Variants in ADPRHL1 observed in about 807,000 individuals in gnomAD.
The protein encoded by ADPRHL1 is ADP-ribosylhydrolase like 1.
A neutral mutation model predicts 44.1 loss-of-function variants in ADPRHL1; 43 were observed. That is an observed-to-expected ratio of 0.98 (90% CI 0.76 to 1.26). The LOEUF (loss-of-function observed/expected upper bound fraction) is 1.26, where lower values mean the gene tolerates loss of function less well. ADPRHL1 is among the 50% of genes most tolerant of loss of function. The probability of loss-of-function intolerance (pLI) is 0.00; values close to 1 mark genes in which losing one functional copy is unlikely to be tolerated. For synonymous variants in ADPRHL1, 878 were observed against 1,017.4 expected, an observed-to-expected ratio of 0.86 and a Z score of 2.61; for missense variants, 2,022 against 2,496.9, an observed-to-expected ratio of 0.81 and a Z score of 4.05.
At chr13:113,434,707 G>A (rs2044035691) in intron 2 of ADPRHL1, among the ~76,000 whole-genome samples, 1 of 139,722 alleles carries the variant, frequency 7.2e-6, no homozygotes, top group Admixed American at 7.1e-5. Flanking sequence ...GAACATAGGT[G>A]TACCCCGGGA....
chr13:113,432,607 C>T (rs1294959430), intron 3 of ADPRHL1, among the ~76,000 whole-genome samples: 1 of 146,952 alleles, frequency 6.8e-6, no homozygotes, highest in Non-Finnish European at 1.5e-5. Context: ...ACTGCTTAGG[C>T]CATCTGTCCC....
chr13:113,442,325 C>T (rs1052676805), intron 2 of ADPRHL1, among the ~76,000 whole-genome samples: 1 of 152,178 alleles, frequency 6.6e-6, no homozygotes, highest in Non-Finnish European at 1.5e-5. Flanking sequence ...CGTGTTGGCA[C>T]GCATCTGTTG....
Position 113,406,471 on chromosome 13 carries a change from G to A in ADPRHL1, c.2811C>T (p.His937=). 1 of 1,232,010 alleles carries A rather than the reference G, an allele frequency of 8.1e-7. No homozygotes were observed. The highest frequency in any genetic ancestry group is 3.2e-5 in the East Asian group (1 of 31,702). 76.3% of individuals were successfully genotyped at this position (1,232,010 alleles called of 1,614,324 possible). A position where few individuals can be genotyped will look rare whatever the true frequency, so the allele number is the denominator to read the frequency against. ...AAARGAVGAD[H]SVPETLLTQR... ...GTGTCAGAAGTGTCTCTGGGACACT[G>A]TGGTCGGCGCCCACAGCCCCTCTTG... The change falls in exon 8 of 8, where the codon CAC becomes CAT. Residue 937 remains histidine, a synonymous_variant. Transcript: ENST00000612156.
chr13:113,448,057 C>T (rs1215677370), intron 1 of ADPRHL1, among the ~76,000 whole-genome samples: 1 of 152,220 alleles, frequency 6.6e-6, no homozygotes, highest in Non-Finnish European at 1.5e-5. Context: ...ACAGCATTGT[C>T]TTTTCAGGTT....
At chr13:113,423,210 T>C (rs916938357) in intron 6 of ADPRHL1, among the ~76,000 whole-genome samples, 4 of 151,880 alleles carry the variant, frequency 2.6e-5, no homozygotes, top group African/African-American at 7.3e-5. Flanking sequence ...CGAGCCGAGA[T>C]TGCCTCTCTG....
At chr13:113,447,950 G>T (rs528862055) in intron 1 of ADPRHL1, among the ~76,000 whole-genome samples, 1 of 152,266 alleles carries the variant, frequency 6.6e-6, no homozygotes, top group South Asian at 2.1e-4. Context: ...CCCCTAAAAG[G>T]ATTCATTTTA....
intron 7 of ADPRHL1, chr13:113,422,168 C>T (rs2043928904): frequency 6.6e-6 from 1 of 152,228 alleles, no homozygotes; most frequent in South Asian, 2.1e-4. Context: ...CAGAGAGACG[C>T]CGGAGCTGGC....
chr13:113,432,291 T>G (rs2044012876), intron 3 of ADPRHL1, among the ~76,000 whole-genome samples: 1 of 152,052 alleles, frequency 6.6e-6, no homozygotes, highest in South Asian at 2.1e-4. Context: ...ATTTTTAATT[T>G]TTTTGTAGAG....
At chr13:113,440,496 C>T (rs1032834794) in intron 2 of ADPRHL1, among the ~76,000 whole-genome samples, 7 of 150,692 alleles carry the variant, frequency 4.6e-5, no homozygotes, top group Non-Finnish European at 1.0e-4. Flanking sequence ...CACTCTGTGG[C>T]CTAGGCTGGA....
rs1476646244 is a variant in ADPRHL1 at position 113,409,555 on chromosome 13, G to C, written c.1062-1335C>G. ...GTGGCCGGATGCGGCTGGTGACGTG[G>C]TGCCAAGTGAAAAGCTCACTCTAAC... On this transcript the variant is annotated intron_variant, in intron 7 of 7. Transcript: ENST00000612156. This position sits in a 1 kb window ranked among gnomAD's most constrained non-coding sequence, Gnocchi z 4.2. 1.0e-6 allele frequency: 1 copy of C among 985,276 alleles called. No homozygotes were observed. The highest frequency in any genetic ancestry group is 1.7e-5 in the African/African-American group (1 of 57,242). 61.0% of individuals were successfully genotyped at this position (985,276 alleles called of 1,614,324 possible).
chr13:113,405,853 C>G lies in ADPRHL1; in HGVS notation c.3429G>C (p.Glu1143Asp). 8.1e-7 allele frequency: 1 copy of G among 1,231,938 alleles called. No individual in the cohort carries two copies. The highest frequency in any genetic ancestry group is 1.0e-6 in the Non-Finnish European group (1 of 988,046). 76.3% of individuals were successfully genotyped at this position (1,231,938 alleles called of 1,614,324 possible). The change falls in exon 8 of 8, where the codon GAG (glutamate) becomes GAC (aspartate). Residue 1143 changes from glutamate to aspartate, a missense_variant. By Grantham distance (45) the Glu-to-Asp change is conservative (BLOSUM62 2). Transcript: ENST00000612156. Reference protein sequence around the residue: ...TQSPGDRTAGEPETLGQWGSR... With the variant: ...TQSPGDRTAGDPETLGQWGSR... Reference sequence around the variant, plus strand: ...TTCCCCACTGGCCCAGCGTCTCTGGCTCTCCCGCTGTGCGGTCTCCAGGGC... The same window carrying G: ...TTCCCCACTGGCCCAGCGTCTCTGGGTCTCCCGCTGTGCGGTCTCCAGGGC...
Position 113,403,961 on chromosome 13 carries a change from T to C in ADPRHL1, c.5321A>G (p.Asp1774Gly). The change falls in exon 8 of 8, where the codon GAT becomes GGT. Residue 1774 changes from aspartate to glycine, a missense_variant. Transcript: ENST00000612156. ...CTCCCAGCCCTGATCCCGAGCCCGATCCCGAGCCCATTCCTGAGCCCCTTT... is the reference window on the plus strand; with the variant it reads ...CTCCCAGCCCTGATCCCGAGCCCGACCCCGAGCCCATTCCTGAGCCCCTTT... ...AQKGAQEWAR[D>G]RARDQGWEQT... The C allele has an allele frequency of 1.5e-6, 2 of 1,310,024 alleles. No homozygotes were observed. The highest frequency in any genetic ancestry group is 5.2e-5 in the South Asian group (2 of 38,234). The allele number at this position is 1,310,024 out of a possible 1,614,324, so 81.2% of individuals were successfully genotyped here. A position where few individuals can be genotyped will look rare whatever the true frequency, so the allele number is the denominator to read the frequency against.
At chr13:113,425,606 A>C (rs1272704090) in intron 4 of ADPRHL1, among the ~76,000 whole-genome samples, 1 of 151,654 alleles carries the variant, frequency 6.6e-6, no homozygotes, top group Admixed American at 6.6e-5. Flanking sequence ...TCCTGACCTC[A>C]GGTGATCCAC....
chr13:113,406,408 G>C lies in ADPRHL1; in HGVS notation c.2874C>G (p.Asn958Lys). 1 of 1,232,080 alleles carries C rather than the reference G, an allele frequency of 8.1e-7. No homozygotes were observed. Among genetic ancestry groups the C allele is most frequent in the Non-Finnish European group, 1.0e-6 (1 of 987,970 alleles). The allele number at this position is 1,232,080 out of a possible 1,614,324, so 76.3% of individuals were successfully genotyped here. A position where few individuals can be genotyped will look rare whatever the true frequency, so the allele number is the denominator to read the frequency against. Residue 958 changes from asparagine to lysine, a missense_variant, in exon 8 of 8, where the codon AAC becomes AAG. By Grantham distance (94) the Asn-to-Lys change is moderately conservative. This residue lies in a region of ADPRHL1 where 1,221 missense variants were observed against 1,517.8 expected (regional missense o/e 0.80). Transcript: ENST00000612156. Reference sequence around the variant, plus strand: ...CGTGTGAATTCTCAAAGCTGCCTTTGTTTTCCTTCCCGCCAGCAGGATCTG... The same window carrying C: ...CGTGTGAATTCTCAAAGCTGCCTTTCTTTTCCTTCCCGCCAGCAGGATCTG... ...LQTDPAGGKE[N>K]KGSFENSHGP...
At chr13:113,418,118 T>C (rs1191753909) in intron 7 of ADPRHL1, among the ~76,000 whole-genome samples, 1 of 152,158 alleles carries the variant, frequency 6.6e-6, no homozygotes, top group Non-Finnish European at 1.5e-5. Context: ...GGTTTTCGGA[T>C]GCGTCGGGTT....
intron 7 of ADPRHL1, among the ~76,000 whole-genome samples, chr13:113,420,079 C>T (rs903922735): frequency 1.3e-5 from 2 of 152,200 alleles, no homozygotes; most frequent in South Asian, 2.1e-4. Flanking sequence ...TTTCCCCACA[C>T]GCCGCCTTTA....
chr13:113,409,273 T>A lies in ADPRHL1; in HGVS notation c.1062-1053A>T. ...GGAGCAAAGCTGGAAGGTCTCCCCA[T>A]CTGTGGCAGGGGGTGGAGCCGTCTC... is the stretch of plus-strand genomic sequence containing the variant. On this transcript the variant is annotated intron_variant, in intron 7 of 7. Coordinates refer to ENST00000612156, the MANE Select transcript of ADPRHL1 (RefSeq NM_001394807.1). This position sits in a 1 kb window ranked among gnomAD's most constrained non-coding sequence, Gnocchi z 4.2. 2.0e-6 allele frequency: 2 copies of A among 984,048 alleles called. No homozygotes were observed. The highest frequency in any genetic ancestry group is 2.4e-6 in the Non-Finnish European group (2 of 828,730). The allele number at this position is 984,048 out of a possible 1,614,324, so 61.0% of individuals were successfully genotyped here. A position where few individuals can be genotyped will look rare whatever the true frequency, so the allele number is the denominator to read the frequency against.
At position 113,445,997 on chromosome 13, in the gene ADPRHL1, C is replaced by T. The variant is rs76314716; in HGVS notation, c.215-1408G>A. Among the ~76,000 whole-genome samples, 310 of 140,732 alleles carry T rather than the reference C, an allele frequency of 2.2e-3. 1 individual carries two copies. Among genetic ancestry groups the T allele is most frequent in the African/African-American group, 8.2e-3 (291 of 35,658 alleles). The allele number at this position is 140,732 out of a possible 152,430, so 92.3% of individuals were successfully genotyped here. A position where few individuals can be genotyped will look rare whatever the true frequency, so the allele number is the denominator to read the frequency against. ...GTGCACAGGATCCTGAGGCTGCACA[C>T]CCCCCAGAGAGAGTGCTTGGGGCCC... On this transcript the variant is annotated intron_variant, in intron 1 of 7. Transcript: ENST00000612156.
chr13:113,431,801 C>T (rs2044009353), intron 3 of ADPRHL1, among the ~76,000 whole-genome samples: 1 of 151,238 alleles, frequency 6.6e-6, no homozygotes, highest in African/African-American at 2.4e-5. Flanking sequence ...CTGCAACCTC[C>T]ACCTCCCGGG....
Sources: gnomAD v4.1 joint callset for allele counts (sites outside exome capture counted in the v4.1 genomes callset) on GRCh38, gnomAD v4.1.1 for gene constraint, gnomAD v4.1.1 regional missense constraint, Gnocchi (gnomAD v3.1) non-coding constraint, MANE v1.5 for transcripts, NCBI Gene and HGNC (gene_info 2026-07-23, HGNC 2026-07-21) for gene names.